Variants in SAR1A observed in about 807,000 individuals in gnomAD.
SAR1A encodes the protein small COPII coat GTPase SAR1A.
A neutral mutation model predicts 22.6 loss-of-function variants in SAR1A; 6 were observed. That is an observed-to-expected ratio of 0.27 (90% CI 0.15 to 0.52). The LOEUF (loss-of-function observed/expected upper bound fraction) is 0.52, where lower values mean the gene tolerates loss of function less well. SAR1A is among the 20% of genes least tolerant of loss of function. SAR1A has a pLI of 0.96. For missense variants in SAR1A, 145 were observed against 245.1 expected (o/e 0.59, Z 2.73); for synonymous variants, 70 against 82.2 (o/e 0.85, Z 0.80).
intron 1 of SAR1A, among the ~76,000 whole-genome samples, chr10:70,162,469 C>T (rs576194719): frequency 6.9e-4 from 18 of 26,248 alleles, no homozygotes; most frequent in East Asian, 1.7e-3. Flanking sequence ...GGAGGGGAGG[C>T]GGGGCAGGGG....
intron 4 of SAR1A, among the ~76,000 whole-genome samples, chr10:70,158,424 G>T (rs1839422407): frequency 6.6e-6 from 1 of 152,214 alleles, no homozygotes; most frequent in African/African-American, 2.4e-5. Flanking sequence ...GGCCTGACAA[G>T]TGGTTCAAGG....
At chr10:70,163,942 G>C in intron 1 of SAR1A, 1 of 1,552,542 alleles carries the variant, frequency 6.4e-7, no homozygotes, top group South Asian at 1.1e-5. Context: ...GAAGAAATTA[G>C]AGAAACATTC....
In SAR1A at chr10:70,155,016, C is replaced by T. The variant is rs1176252205; in HGVS notation, c.349-1047G>A. On this transcript the variant is annotated intron_variant, in intron 5 of 6. Transcript: ENST00000373241. ...CAATAATTCAGGAAGCCACACAGTA[C>T]TGCATGGCTGGATTCAAGCATTTAG... 3 of 486,338 alleles carry T rather than the reference C, an allele frequency of 6.2e-6. No individual in the cohort carries two copies. The East Asian group carries it at 1.9e-4, about 30-fold the overall frequency. 30.1% of individuals were successfully genotyped at this position (486,338 alleles called of 1,614,324 possible). A position where few individuals can be genotyped will look rare whatever the true frequency, so the allele number is the denominator to read the frequency against.
chr10:70,161,795 T>G, intron 2 of SAR1A, 57 bp from the exon 3 acceptor site: 1 of 1,613,456 alleles, frequency 6.2e-7, no homozygotes, highest in Non-Finnish European at 8.5e-7. Context: ...AGCCTATTTG[T>G]AGTTAAATTA....
intron 4 of SAR1A, among the ~76,000 whole-genome samples, chr10:70,160,222 G>A (rs576674546): frequency 2.3e-4 from 35 of 151,980 alleles, no homozygotes; most frequent in African/African-American, 8.4e-4. Flanking sequence ...GAAATACAGA[G>A]TGGATAAAAA....
At chr10:70,166,019 C>T (rs1384378241) in intron 1 of SAR1A, among the ~76,000 whole-genome samples, 1 of 152,218 alleles carries the variant, frequency 6.6e-6, no homozygotes, top group Non-Finnish European at 1.5e-5. Context: ...GAGGTTATGA[C>T]TCGCAGAAGG....
chr10:70,155,602 G>A (rs1205357983), intron 5 of SAR1A, among the ~76,000 whole-genome samples: 1 of 152,208 alleles, frequency 6.6e-6, no homozygotes, highest in Admixed American at 6.5e-5. Flanking sequence ...AGTCTGATGA[G>A]AGAGAACTAT....
At chr10:70,164,145 T>G (rs1259147549) in intron 1 of SAR1A, 2 of 694,030 alleles carry the variant, frequency 2.9e-6, no homozygotes, top group Non-Finnish European at 5.3e-6. Flanking sequence ...TTGTACAGAA[T>G]GTGTTAAATT....
rs766224959 is a variant in SAR1A at position 70,153,988 on chromosome 10, GA to G, written c.349-20del. On this transcript the variant is annotated intron_variant, in intron 5 of 6. Coordinates refer to ENST00000373241, the MANE Select transcript of SAR1A (RefSeq NM_020150.5). Reference sequence around the variant, plus strand: ...TTAAAGCCTAAAGATTGAAAAAAAAGAAAAAAAGAAAAAAAAGAATTAAGTG... The same window carrying G: ...TTAAAGCCTAAAGATTGAAAAAAAAGAAAAAAGAAAAAAAAGAATTAAGTG... The G allele has an allele frequency of 1.2e-5, 18 of 1,513,842 alleles. No individual in the cohort carries two copies. The highest frequency in any genetic ancestry group is 5.3e-5 in the South Asian group (4 of 75,242). 93.8% of individuals were successfully genotyped at this position (1,513,842 alleles called of 1,614,324 possible).
At chr10:70,153,705 C>T (rs1281570401) in intron 6 of SAR1A, 133 bp downstream of exon 6, 2 of 653,926 alleles carry the variant, frequency 3.1e-6, no homozygotes, top group East Asian at 3.0e-5. Flanking sequence ...AGTGAGCTTA[C>T]AAAATACTCA....
intron 4 of SAR1A, among the ~76,000 whole-genome samples, chr10:70,159,557 A>C (rs957638096): frequency 6.6e-6 from 1 of 152,152 alleles, no homozygotes; most frequent in Non-Finnish European, 1.5e-5. Flanking sequence ...GGATTGCTTG[A>C]GCCCAGGAAG....
chr10:70,154,050 C>A, intron 5 of SAR1A, 81 bp from the exon 6 acceptor site: 1 of 1,053,052 alleles, frequency 9.5e-7, no homozygotes, highest in South Asian at 1.7e-5. Context: ...AATGAAAATT[C>A]TGACTTCCAC....
At chr10:70,158,384 C>T (rs1231712646) in intron 4 of SAR1A, among the ~76,000 whole-genome samples, 1 of 152,208 alleles carries the variant, frequency 6.6e-6, no homozygotes, top group Non-Finnish European at 1.5e-5. Flanking sequence ...CGTCTTGACA[C>T]ATTCCTCTGC....
intron 4 of SAR1A, among the ~76,000 whole-genome samples, chr10:70,160,470 G>A (rs1355263180): frequency 6.6e-6 from 1 of 152,152 alleles, no homozygotes; most frequent in Non-Finnish European, 1.5e-5. Context: ...GTATTATGTA[G>A]GGAGGAGGAG....
intron 5 of SAR1A, 58 bp downstream of exon 5, chr10:70,157,706 T>A (rs768282967): frequency 2.3e-6 from 3 of 1,294,616 alleles, no homozygotes; most frequent in African/African-American, 1.5e-5. Context: ...TAAAAAAAAA[T>A]AGAGGCCAAA....
intron 4 of SAR1A, among the ~76,000 whole-genome samples, chr10:70,159,983 C>G (rs1346098046): frequency 6.6e-6 from 1 of 152,158 alleles, no homozygotes; most frequent in Non-Finnish European, 1.5e-5. Context: ...ATAGAATATA[C>G]AAAATATCAA....
At chr10:70,159,021 G>A (rs1360552026) in intron 4 of SAR1A, among the ~76,000 whole-genome samples, 3 of 152,042 alleles carry the variant, frequency 2.0e-5, no homozygotes, top group African/African-American at 7.2e-5. Context: ...GATGGTCTAG[G>A]TTCAGTCTTA....
At chr10:70,164,047 T>C in intron 1 of SAR1A, 1 of 803,072 alleles carries the variant, frequency 1.2e-6, no homozygotes. Context: ...GATGAAGAAG[T>C]TGATTAAATG....
rs1164409174 is a variant in SAR1A, at chr10:70,151,722, A to C, written c.*754T>G. ...ACTGGCTAAAATCTGTAACTTCATG[A>C]GTAAGAATAACAACAATAACCCATT... On this transcript the variant is annotated 3_prime_UTR_variant, in exon 7 of 7. Coordinates refer to ENST00000373241, the MANE Select transcript of SAR1A (RefSeq NM_020150.5). 2 of 152,674 alleles carry C rather than the reference A, an allele frequency of 1.3e-5. No individual in the cohort carries two copies. The highest frequency in any genetic ancestry group is 2.9e-5 in the Non-Finnish European group (2 of 68,056). The allele number at this position is 152,674 out of a possible 1,614,324, so 9.5% of individuals were successfully genotyped here. A position where few individuals can be genotyped will look rare whatever the true frequency, so the allele number is the denominator to read the frequency against.
Sources: gnomAD v4.1 joint callset for allele counts (sites outside exome capture counted in the v4.1 genomes callset) on GRCh38, gnomAD v4.1.1 for gene constraint, MANE v1.5 for transcripts, NCBI Gene and HGNC (gene_info 2026-07-23, HGNC 2026-07-21) for gene names.